The following XYLT1 variants were observed in gnomAD, a reference collection of about 807,000 sequenced individuals.
XYLT1 encodes the protein xylosyltransferase 1, also known as beta-D-xylosyltransferase 1.
XYLT1 carries 36 observed loss-of-function variants against 91.3 expected under a neutral mutation model. The observed-to-expected ratio is 0.39, with a 90% CI of 0.30 to 0.52. The LOEUF is 0.52. XYLT1 is among the 20% of genes least tolerant of loss of function. XYLT1 has a pLI of 0.68. For missense variants in XYLT1, 1,242 were observed against 1,284.5 expected (o/e 0.97, Z 0.51); for synonymous variants, 588 against 532.0 (o/e 1.11, Z -1.45).
chr16:17,287,939 CTTTTT>C (rs34525791), intron 2 of XYLT1, among the ~76,000 whole-genome samples: 4 of 144,648 alleles, frequency 2.8e-5, no homozygotes, highest in African/African-American at 1.0e-4. Context: ...CATAATTTTT[CTTTTT>C]TTTTTTTTGA....
At chr16:17,368,807 C>A (rs937085922) in intron 1 of XYLT1, among the ~76,000 whole-genome samples, 1 of 152,120 alleles carries the variant, frequency 6.6e-6, no homozygotes, top group African/African-American at 2.4e-5. Context: ...TGGTCTTGAA[C>A]TCCTGGTCTC....
At chr16:17,249,100 G>A (rs1457495749) in intron 3 of XYLT1, among the ~76,000 whole-genome samples, 4 of 152,132 alleles carry the variant, frequency 2.6e-5, no homozygotes, top group Admixed American at 2.0e-4. Context: ...TGAGGACGGG[G>A]ATTCTATCTG....
intron 2 of XYLT1, among the ~76,000 whole-genome samples, chr16:17,319,535 C>T (rs1048761516): frequency 3.3e-5 from 5 of 151,884 alleles, no homozygotes; most frequent in African/African-American, 1.2e-4. Flanking sequence ...CTCTGCCTCC[C>T]GGATTCAAGC....
chr16:17,206,332 G>A (rs921955934), intron 3 of XYLT1, among the ~76,000 whole-genome samples: 16 of 152,030 alleles, frequency 1.1e-4, no homozygotes, highest in African/African-American at 3.6e-4. Flanking sequence ...TTTAAAAGAG[G>A]TTTTCTGGTG....
chr16:17,225,175 A>ACTCTCTCTCTCTCTCT (rs1340850799), intron 3 of XYLT1, among the ~76,000 whole-genome samples: 9 of 88,036 alleles, frequency 1.0e-4, no homozygotes, highest in African/African-American at 3.6e-4. Flanking sequence ...ACACACACAC[A>ACTCTCTCTCTCTCTCT]CACTCTCTCT....
At chr16:17,262,776 C>A (rs1003751315) in intron 2 of XYLT1, among the ~76,000 whole-genome samples, 6 of 152,100 alleles carry the variant, frequency 3.9e-5, no homozygotes, top group Non-Finnish European at 8.8e-5. Flanking sequence ...ACTCTACCAA[C>A]CCTCAGTGTG....
At chr16:17,433,720 C>G (rs928172783) in intron 1 of XYLT1, among the ~76,000 whole-genome samples, 7 of 152,258 alleles carry the variant, frequency 4.6e-5, no homozygotes, top group African/African-American at 1.7e-4. Context: ...TGGGCTCCAG[C>G]GAGGGACTTA....
At chr16:17,152,839 A>G (rs2031313028) in intron 6 of XYLT1, among the ~76,000 whole-genome samples, 1 of 152,212 alleles carries the variant, frequency 6.6e-6, no homozygotes, top group African/African-American at 2.4e-5. Flanking sequence ...TTGAAATGAT[A>G]GCTGTTTCTC....
At chr16:17,263,376 G>A (rs1368733629) in intron 2 of XYLT1, among the ~76,000 whole-genome samples, 5 of 152,048 alleles carry the variant, frequency 3.3e-5, no homozygotes, top group Non-Finnish European at 7.4e-5. Context: ...CATTGATTCT[G>A]ATGGGACTCA....
At chr16:17,345,650 C>A (rs2035133666) in intron 2 of XYLT1, among the ~76,000 whole-genome samples, 1 of 152,212 alleles carries the variant, frequency 6.6e-6, no homozygotes, top group Non-Finnish European at 1.5e-5. Context: ...AAAGGTGATG[C>A]ACTGAGCAAG....
intron 1 of XYLT1, among the ~76,000 whole-genome samples, chr16:17,462,118 G>A (rs2036831334): frequency 1.3e-5 from 2 of 152,152 alleles, no homozygotes; most frequent in South Asian, 2.1e-4. Context: ...TGCCCTGGGA[G>A]GAGAAACAAA....
chr16:17,292,593 C>T (rs775736387), intron 2 of XYLT1, among the ~76,000 whole-genome samples: 49 of 152,334 alleles, frequency 3.2e-4, no homozygotes, highest in Non-Finnish European at 5.6e-4. Context: ...TGTTTATTTA[C>T]TGAGCGTCAC....
chr16:17,138,206 T>C lies in XYLT1; in HGVS notation c.1764+149A>G, dbSNP rs1165680192. ...GTAAGTGCTCAATAAACACTGGCTA[T>C]TGTTGATACTGTTAACTATTATTAA... On this transcript the variant is annotated intron_variant, in intron 8 of 11. Transcript: ENST00000261381. The C allele has an allele frequency of 3.5e-6, 3 of 859,852 alleles. No individual in the cohort carries two copies. The African/African-American group carries it at 6.4e-5, about 18-fold the overall frequency. 53.3% of individuals were successfully genotyped at this position (859,852 alleles called of 1,614,324 possible).
rs555851342 is a variant in XYLT1, at chr16:17,170,159, A to G, written c.1290-11250T>C. Among the ~76,000 whole-genome samples, 9 of 152,310 alleles carry G rather than the reference A, an allele frequency of 5.9e-5. No individual in the cohort carries two copies. In the East Asian group the frequency reaches 1.7e-3, roughly 29 times the overall value. On this transcript the variant is annotated intron_variant, in intron 5 of 11. Coordinates refer to ENST00000261381, the MANE Select transcript of XYLT1 (RefSeq NM_022166.4). ...GCCTGGTGCATAGCAGGTGCGCAGT[A>G]ACTGGAGTTCCTTGGAAAGAAGTTT...
intron 2 of XYLT1, among the ~76,000 whole-genome samples, chr16:17,347,511 T>TG (rs955523710): frequency 1.3e-5 from 2 of 152,216 alleles, no homozygotes. Flanking sequence ...GGCTCAGTTT[T>TG]GGGGGACAGT....
intron 1 of XYLT1, among the ~76,000 whole-genome samples, chr16:17,374,718 C>CA (rs1010894897): frequency 7.3e-5 from 11 of 149,882 alleles, no homozygotes; most frequent in South Asian, 2.1e-4. Context: ...AATAGAAGGA[C>CA]AAAAAAAATC....
At chr16:17,247,234 T>C (rs992100790) in intron 3 of XYLT1, among the ~76,000 whole-genome samples, 1 of 149,234 alleles carries the variant, frequency 6.7e-6, no homozygotes, top group African/African-American at 2.4e-5. Flanking sequence ...AGTCTCTGTC[T>C]TGGGGACCCT....
chr16:17,339,570 C>A (rs1340365682), intron 2 of XYLT1, among the ~76,000 whole-genome samples: 2 of 152,118 alleles, frequency 1.3e-5, no homozygotes, highest in African/African-American at 4.8e-5. Context: ...TCAATATAAC[C>A]ACTTTCCTTT....
chr16:17,212,817 A>G (rs1436179793), intron 3 of XYLT1, among the ~76,000 whole-genome samples: 1 of 152,206 alleles, frequency 6.6e-6, no homozygotes, highest in Non-Finnish European at 1.5e-5. Context: ...TGTATGGTAC[A>G]TTTCACTGCA....
Sources: allele counts gnomAD v4.1 joint callset (sites outside exome capture counted in the v4.1 genomes callset), GRCh38; gene constraint gnomAD v4.1.1; transcripts MANE v1.5; gene names NCBI Gene and HGNC (gene_info 2026-07-23, HGNC 2026-07-21).